SLC39A8: variants seen among roughly 807,000 people sequenced by gnomAD.
SLC39A8 encodes the protein solute carrier family 39 member 8.
SLC39A8 carries 15 observed loss-of-function variants against 40.4 expected under a neutral mutation model. The observed-to-expected ratio is 0.37, with a 90% CI of 0.25 to 0.57. The LOEUF (loss-of-function observed/expected upper bound fraction) is 0.57, where lower values mean the gene tolerates loss of function less well. Among genes scored for constraint, SLC39A8 ranks in the 20% least tolerant of loss-of-function variants. The pLI is 0.75. For missense variants in SLC39A8, 472 were observed against 558.8 expected (o/e 0.84, Z 1.57); for synonymous variants, 223 against 221.6 (o/e 1.01, Z -0.06).
chr4:102,326,549 A>G (rs1735211587), intron 2 of SLC39A8, among the ~76,000 whole-genome samples: 1 of 152,252 alleles, frequency 6.6e-6, no homozygotes, highest in Non-Finnish European at 1.5e-5. Flanking sequence ...CGACAGAGCA[A>G]GACTCCGTCT....
intron 2 of SLC39A8, among the ~76,000 whole-genome samples, chr4:102,333,104 C>T (rs1434709662): frequency 6.6e-6 from 1 of 151,978 alleles, no homozygotes; most frequent in South Asian, 2.1e-4. Context: ...CCATGTCACG[C>T]GTATACCTAA....
At chr4:102,266,241 T>C (rs1732089918) in intron 8 of SLC39A8, among the ~76,000 whole-genome samples, 1 of 152,216 alleles carries the variant, frequency 6.6e-6, no homozygotes, top group African/African-American at 2.4e-5. Flanking sequence ...TTTCTTAGTA[T>C]TATTTCTTTA....
At chr4:102,330,868 A>T (rs1735422066) in intron 2 of SLC39A8, among the ~76,000 whole-genome samples, 1 of 152,234 alleles carries the variant, frequency 6.6e-6, no homozygotes, top group Non-Finnish European at 1.5e-5. Context: ...TGCTGGTTCA[A>T]CATATGCAAA....
chr4:102,272,741 C>G (rs552055452), intron 6 of SLC39A8, among the ~76,000 whole-genome samples: 78 of 152,220 alleles, frequency 5.1e-4, no homozygotes, highest in Non-Finnish European at 9.7e-4. Context: ...TTCTGTATTT[C>G]CAACTGAGGT....
At chr4:102,318,215 C>T (rs1445962354) in intron 2 of SLC39A8, among the ~76,000 whole-genome samples, 1 of 152,120 alleles carries the variant, frequency 6.6e-6, no homozygotes, top group African/African-American at 2.4e-5. Flanking sequence ...TTAATACCAT[C>T]AGATAGCTTA....
At chr4:102,272,394 G>T (rs187046294) in intron 6 of SLC39A8, among the ~76,000 whole-genome samples, 2 of 151,516 alleles carry the variant, frequency 1.3e-5, no homozygotes, top group Admixed American at 1.3e-4. Flanking sequence ...AGCCGAGATC[G>T]CAGTGAGCCG....
chr4:102,342,723 A>G (rs1372644636), intron 2 of SLC39A8, among the ~76,000 whole-genome samples: 1 of 152,216 alleles, frequency 6.6e-6, no homozygotes, highest in South Asian at 2.1e-4. Flanking sequence ...CTGCTAATAA[A>G]CAGAGAATCG....
In SLC39A8 at chr4:102,341,558, G is replaced by A. The variant is rs936497854; in HGVS notation, c.219+2886C>T. ...CCTTTATCCAGAAATGAGGGCCCCA[G>A]AGACCTATTTGGCTAAAAGGGCTCC... On this transcript the variant is annotated intron_variant, in intron 2 of 8. Coordinates refer to ENST00000356736, the MANE Select transcript of SLC39A8 (RefSeq NM_001135146.2). 9.9e-5 allele frequency among the ~76,000 whole-genome samples: 15 copies of A among 152,256 alleles called. 1 individual carries two copies. The Middle Eastern group carries it at 0.014, about 138-fold the overall frequency.
At chr4:102,317,947 C>A (rs914088318) in intron 2 of SLC39A8, among the ~76,000 whole-genome samples, 1 of 152,048 alleles carries the variant, frequency 6.6e-6, no homozygotes, top group African/African-American at 2.4e-5. Flanking sequence ...AAGTAAAATA[C>A]AAAATAATAG....
chr4:102,257,873 T>C (rs1016583866), downstream of SLC39A8, among the ~76,000 whole-genome samples: 1 of 152,132 alleles, frequency 6.6e-6, no homozygotes, highest in African/African-American at 2.4e-5. Flanking sequence ...GTGAGCATGA[T>C]ATTGAGCTGT....
intron 4 of SLC39A8, among the ~76,000 whole-genome samples, chr4:102,306,090 G>A (rs1734159165): frequency 6.6e-6 from 1 of 151,840 alleles, no homozygotes; most frequent in Non-Finnish European, 1.5e-5. Context: ...AATAAGAAAA[G>A]GAAAATCATT....
At chr4:102,289,259 ATT>A in intron 6 of SLC39A8, among the ~76,000 whole-genome samples, 1 of 152,256 alleles carries the variant, frequency 6.6e-6, no homozygotes, top group Non-Finnish European at 1.5e-5. Flanking sequence ...TTTACTGAAT[ATT>A]TTCAGTCCAC....
chr4:102,332,585 C>A (rs545354046), intron 2 of SLC39A8, among the ~76,000 whole-genome samples: 3 of 152,206 alleles, frequency 2.0e-5, no homozygotes, highest in African/African-American at 7.2e-5. Flanking sequence ...ATTAGTTCAA[C>A]CATTGGGAAA....
chr4:102,266,207 T>A (rs1222452053), intron 8 of SLC39A8, among the ~76,000 whole-genome samples: 1 of 152,228 alleles, frequency 6.6e-6, no homozygotes, highest in African/African-American at 2.4e-5. Context: ...TGTGCCTATT[T>A]TGCTCACTCC....
chr4:102,318,136 ACAT>A lies in SLC39A8; in HGVS notation c.220-2309_220-2307del, dbSNP rs767354610. Among the ~76,000 whole-genome samples, 112 of 152,312 alleles carry A rather than the reference ACAT, an allele frequency of 7.4e-4. 2 individuals carry two copies. The highest frequency in any genetic ancestry group is 3.9e-4 in the East Asian group (2 of 5,180). On this transcript the variant is annotated intron_variant, in intron 2 of 8. Transcript: ENST00000356736. ...TAAGGATGTCAGAATTGCCAACTGT[ACAT>A]CATTAAAGACACCCTCCTACATACA...
intron 6 of SLC39A8, among the ~76,000 whole-genome samples, chr4:102,282,491 A>G (rs920475174): frequency 1.8e-4 from 28 of 152,282 alleles, no homozygotes; most frequent in African/African-American, 6.5e-4. Flanking sequence ...TTGTTTGCCA[A>G]TTCTTAGCTA....
chr4:102,338,371 A>C (rs1735770470), intron 2 of SLC39A8, among the ~76,000 whole-genome samples: 2 of 152,016 alleles, frequency 1.3e-5, no homozygotes, highest in Non-Finnish European at 2.9e-5. Context: ...TATTTTTAGT[A>C]GAGATGGGGT....
chr4:102,307,610 G>A lies in SLC39A8; in HGVS notation c.383-5C>T, dbSNP rs907596533. 13 of 1,610,768 alleles carry A rather than the reference G, an allele frequency of 8.1e-6. No homozygotes were observed. Among genetic ancestry groups the A allele is most frequent in the Non-Finnish European group, 1.1e-5 (13 of 1,178,476 alleles). ...ACAGGAATCCATATCCCCAAACTGT[G>A]GGTCAGAGGGAAAAGAGAGTAGAAA... On this transcript the variant is annotated splice_region_variant and splice_polypyrimidine_tract_variant and intron_variant, in intron 3 of 8. Coordinates refer to ENST00000356736, the MANE Select transcript of SLC39A8 (RefSeq NM_001135146.2).
chr4:102,254,394 C>A (rs1021539327), intron 11 of SLC39A8, among the ~76,000 whole-genome samples: 8 of 152,186 alleles, frequency 5.3e-5, no homozygotes. Flanking sequence ...CACAGAAGAA[C>A]AAGCTCAGAA....
Sources: allele counts gnomAD v4.1 joint callset (sites outside exome capture counted in the v4.1 genomes callset), GRCh38; gene constraint gnomAD v4.1.1; transcripts MANE v1.5; gene names NCBI Gene and HGNC (gene_info 2026-07-23, HGNC 2026-07-21).